Variants in CHRDL1 observed in about 807,000 individuals in gnomAD.
CHRDL1 encodes the protein chordin-like protein 1.
CHRDL1 carries 19 observed loss-of-function variants against 40.9 expected under a neutral mutation model. The observed-to-expected ratio is 0.46, with a 90% CI of 0.32 to 0.68. The LOEUF (loss-of-function observed/expected upper bound fraction) is 0.68. CHRDL1 is among the 30% of genes least tolerant of loss of function. CHRDL1 has a pLI of 0.03. For missense variants in CHRDL1, 329 were observed against 352.1 expected, an observed-to-expected ratio of 0.93 and a Z score of 0.53; for synonymous variants, 136 against 123.4, an observed-to-expected ratio of 1.10 and a Z score of -0.68.
chrX:110,715,016 TGAAA>T (rs1327532089), intron 6 of CHRDL1, among the ~76,000 whole-genome samples: 1 of 111,646 alleles, frequency 9.0e-6, no homozygotes, highest in Non-Finnish European at 1.9e-5. Context: ...CTGGAGGCAA[TGAAA>T]GAACAACAAT....
chrX:110,725,424 T>A (rs1040669518), intron 4 of CHRDL1, among the ~76,000 whole-genome samples: 29 of 111,271 alleles, frequency 2.6e-4, no homozygotes, highest in Admixed American at 9.5e-5. Flanking sequence ...TGTCACTAAC[T>A]AACACCTCAG....
intron 2 of CHRDL1, among the ~76,000 whole-genome samples, chrX:110,775,509 T>C (rs1413343737): frequency 9.0e-6 from 1 of 111,357 alleles, no homozygotes; most frequent in Admixed American, 9.5e-5. Context: ...TACTAATTTG[T>C]TTCAGTACAG....
At chrX:110,676,613 G>GC (rs2069783111) in intron 11 of CHRDL1, among the ~76,000 whole-genome samples, 1 of 111,254 alleles carries the variant, frequency 9.0e-6, no homozygotes. Context: ...ATATAGAACT[G>GC]CCCCTCCTCA....
chrX:110,766,849 C>T (rs1382152365), intron 2 of CHRDL1, among the ~76,000 whole-genome samples: 1 of 111,682 alleles, frequency 9.0e-6, no homozygotes, highest in Non-Finnish European at 1.9e-5. Flanking sequence ...ATGAAGCCAG[C>T]ATCACCCTAA....
At chrX:110,719,659 G>A (rs2070910425) in intron 6 of CHRDL1, among the ~76,000 whole-genome samples, 176 bp downstream of exon 6, 1 of 108,179 alleles carries the variant, frequency 9.2e-6, no homozygotes, top group African/African-American at 3.4e-5. Flanking sequence ...AAAGGCTGTG[G>A]CCTTTAAAAT....
rs1250235538 is a variant in CHRDL1 at position 110,675,546 on chromosome X, TCA to T, written c.*683_*684del. On this transcript the variant is annotated 3_prime_UTR_variant, in exon 12 of 12. Coordinates refer to ENST00000372042, the MANE Select transcript of CHRDL1 (RefSeq NM_001143981.2). ...AAGACCTAAGGGCAGAGCCTCTTGT[TCA>T]CAGTTATTTACTCTCCTGGGCACAA... 7.2e-5 allele frequency: 8 copies of T among 111,797 alleles called. No homozygotes were observed. The highest frequency in any genetic ancestry group is 1.6e-4 in the African/African-American group (5 of 30,747). 9.2% of individuals were successfully genotyped at this position (111,797 alleles called of 1,213,427 possible).
Position 110,690,053 on chromosome X carries a change from A to ATT in CHRDL1, c.779-1252_779-1251dup, listed in dbSNP as rs61665833. On this transcript the variant is annotated intron_variant, in intron 8 of 11. Transcript: ENST00000372042. ...TCTATATATATCTATATATATATAT[A>ATT]TTTTTTTTTTGAGATGGAGTCTCGC... is the stretch of plus-strand genomic sequence containing the variant. 1.4e-4 allele frequency among the ~76,000 whole-genome samples: 5 copies of ATT among 36,884 alleles called. 2 individuals are homozygous for ATT. The highest frequency in any genetic ancestry group is 1.3e-3 in the South Asian group (2 of 1,547). 32.0% of individuals were successfully genotyped at this position (36,884 alleles called of 115,157 possible). A position where few individuals can be genotyped will look rare whatever the true frequency, so the allele number is the denominator to read the frequency against.
At chrX:110,774,049 C>A (rs995404395) in intron 2 of CHRDL1, among the ~76,000 whole-genome samples, 3 of 111,695 alleles carry the variant, frequency 2.7e-5, no homozygotes, top group African/African-American at 9.7e-5. Context: ...TATTTTGATG[C>A]TTTGTTAAGT....
chrX:110,717,556 T>C (rs1226689607), intron 6 of CHRDL1, among the ~76,000 whole-genome samples: 1 of 111,426 alleles, frequency 9.0e-6, no homozygotes, highest in Non-Finnish European at 1.9e-5. Context: ...TCTTAGCTCC[T>C]CAACTCACTA....
intron 2 of CHRDL1, among the ~76,000 whole-genome samples, chrX:110,790,658 T>A (rs1445756448): frequency 2.7e-5 from 3 of 110,259 alleles, no homozygotes; most frequent in African/African-American, 9.9e-5. Context: ...ACCCAAATAA[T>A]GTACATTGTA....
intron 6 of CHRDL1, among the ~76,000 whole-genome samples, chrX:110,705,496 A>G (rs1452008561): frequency 1.1e-5 from 1 of 91,940 alleles, no homozygotes; most frequent in East Asian, 2.9e-4. Context: ...ACTGTATGAT[A>G]TATATATATA....
At chrX:110,781,065 G>T (rs189083002) in intron 2 of CHRDL1, among the ~76,000 whole-genome samples, 1 of 110,696 alleles carries the variant, frequency 9.0e-6, no homozygotes, top group Non-Finnish European at 1.9e-5. Context: ...CAAGGACATG[G>T]TAAGAAATAT....
intron 7 of CHRDL1, among the ~76,000 whole-genome samples, chrX:110,698,598 A>G (rs991995745): frequency 8.9e-6 from 1 of 112,105 alleles, no homozygotes; most frequent in Non-Finnish European, 1.9e-5. Flanking sequence ...GAAAATCAAT[A>G]ACTATTTCAA....
In CHRDL1 at chrX:110,674,488, C is replaced by CACAG. The variant is rs2069734622; in HGVS notation, c.*1742_*1743insCTGT. On this transcript the variant is annotated 3_prime_UTR_variant, in exon 12 of 12. Coordinates refer to ENST00000372042, the MANE Select transcript of CHRDL1 (RefSeq NM_001143981.2). ...ACACACACACACACACACACACACA[C>CACAG]ACACACACACACACACAAACTAATG... 9.1e-6 allele frequency: 1 copy of CACAG among 109,429 alleles called. No homozygotes were observed. Among genetic ancestry groups the CACAG allele is most frequent in the Non-Finnish European group, 1.9e-5 (1 of 52,806 alleles). The allele number at this position is 109,429 out of a possible 1,213,427, so 9.0% of individuals were successfully genotyped here.
chrX:110,714,078 G>A (rs767517660), intron 6 of CHRDL1, among the ~76,000 whole-genome samples: 2 of 110,611 alleles, frequency 1.8e-5, no homozygotes, highest in Non-Finnish European at 3.8e-5. Flanking sequence ...TAGGTTTGAG[G>A]ATACCTATGA....
intron 8 of CHRDL1, among the ~76,000 whole-genome samples, chrX:110,689,072 GTATATATATATATATATATATATATATA>G (rs758293619): frequency 6.4e-5 from 2 of 31,191 alleles, no homozygotes; most frequent in East Asian, 1.0e-3. Flanking sequence ...ATATATATAT[GTATATATATATATATATATATATATATA>G]TATATATATA....
At chrX:110,680,309 A>G (rs1221070630) in intron 10 of CHRDL1, among the ~76,000 whole-genome samples, 2 of 112,034 alleles carry the variant, frequency 1.8e-5, no homozygotes, top group Non-Finnish European at 3.8e-5. Flanking sequence ...CCTGTTATGG[A>G]TGAGCTAGGG....
intron 2 of CHRDL1, among the ~76,000 whole-genome samples, chrX:110,763,055 T>C (rs185847918): frequency 7.7e-4 from 86 of 111,917 alleles, no homozygotes; most frequent in African/African-American, 2.6e-3. Context: ...AAGAGTCATA[T>C]AACCAGTAAG....
At position 110,688,617 on chromosome X, in the gene CHRDL1, AC is replaced by A. The variant is rs1230439758; in HGVS notation, c.964del (p.Val322CysfsTer45). On this transcript the variant is annotated frameshift_variant, in exon 9 of 12. Transcript: ENST00000372042. LOFTEE classifies it high-confidence loss of function. ...ACCTTTTGCTTTTTTACCTGGACAC[AC>A]CTTGCAGCATTTTCCGTCTATTTTT... ...PQKIDGKCCK[V>X]CPGKKAKEEL... The A allele has an allele frequency of 8.3e-7, 1 of 1,207,931 alleles. No individual in the cohort carries two copies. Among genetic ancestry groups the A allele is most frequent in the Non-Finnish European group, 1.1e-6 (1 of 894,326 alleles).
Sources: allele counts gnomAD v4.1 joint callset (sites outside exome capture counted in the v4.1 genomes callset), GRCh38; gene constraint gnomAD v4.1.1; transcripts MANE v1.5; gene names NCBI Gene and HGNC (gene_info 2026-07-23, HGNC 2026-07-21).